The following TBC1D9 variants were observed in gnomAD, a reference collection of about 807,000 sequenced individuals.
The protein encoded by TBC1D9 is TBC1 domain family member 9.
Under a neutral mutation model 132.0 loss-of-function variants are expected in TBC1D9, and 63 were observed. That is an observed-to-expected ratio of 0.48 (90% confidence interval 0.39 to 0.59). The LOEUF (loss-of-function observed/expected upper bound fraction) is 0.59, where lower values mean the gene tolerates loss of function less well. Among genes scored for constraint, TBC1D9 ranks in the 20% least tolerant of loss-of-function variants. The pLI, the probability that TBC1D9 is intolerant of heterozygous loss-of-function variation, is 0.00. For missense variants in TBC1D9, 1,261 were observed against 1,592.7 expected, an observed-to-expected ratio of 0.79 and a Z score of 3.54; for synonymous variants, 610 against 609.9, an observed-to-expected ratio of 1.00 and a Z score of 0.00.
At chr4:140,672,155 A>AT (rs1737547725) in intron 6 of TBC1D9, among the ~76,000 whole-genome samples, 1 of 151,656 alleles carries the variant, frequency 6.6e-6, no homozygotes, top group African/African-American at 2.4e-5. Context: ...TTTTCAGAAT[A>AT]TATGTGTTAG....
chr4:140,754,614 C>CAAAAAAAAAAAAAAA (rs34471976), intron 1 of TBC1D9, among the ~76,000 whole-genome samples: 1 of 23,264 alleles, frequency 4.3e-5, no homozygotes, highest in African/African-American at 1.9e-4. Context: ...GACTCTGTCT[C>CAAAAAAAAAAAAAAA]AAAAAAAAAA....
chr4:140,704,002 G>T (rs921572306), intron 1 of TBC1D9, among the ~76,000 whole-genome samples: 8 of 152,122 alleles, frequency 5.3e-5, no homozygotes, highest in Admixed American at 4.6e-4. Context: ...CTCACATCTT[G>T]AATCAAAATA....
At chr4:140,704,230 C>T (rs1738115265) in intron 1 of TBC1D9, among the ~76,000 whole-genome samples, 2 of 151,556 alleles carry the variant, frequency 1.3e-5, no homozygotes, top group South Asian at 4.2e-4. Flanking sequence ...AACACCCTTC[C>T]CCATTAAAAA....
At chr4:140,645,980 T>C (rs1236833371) in intron 13 of TBC1D9, among the ~76,000 whole-genome samples, 1 of 152,232 alleles carries the variant, frequency 6.6e-6, no homozygotes, top group Non-Finnish European at 1.5e-5. Context: ...CCTTCTTACT[T>C]GAATTTAGCA....
intron 13 of TBC1D9, chr4:140,643,226 C>A (rs1037849187): frequency 6.4e-5 from 86 of 1,343,664 alleles, no homozygotes; most frequent in East Asian, 1.5e-4. Flanking sequence ...CACCTCCCAC[C>A]TTCTTGCTCC....
At chr4:140,693,050 A>G (rs1363409119) in intron 2 of TBC1D9, among the ~76,000 whole-genome samples, 6 of 151,154 alleles carry the variant, frequency 4.0e-5, no homozygotes, top group Non-Finnish European at 1.5e-5. Context: ...ACAAAAAACA[A>G]CAAAAAAACT....
intron 16 of TBC1D9, among the ~76,000 whole-genome samples, chr4:140,632,929 T>C (rs1425544173): frequency 6.6e-6 from 1 of 152,262 alleles, no homozygotes; most frequent in Non-Finnish European, 1.5e-5. Context: ...ATCACAACAG[T>C]ATCTGCACTC....
chr4:140,661,204 G>T (rs1053265628), intron 10 of TBC1D9, among the ~76,000 whole-genome samples: 1 of 152,146 alleles, frequency 6.6e-6, no homozygotes, highest in Non-Finnish European at 1.5e-5. Flanking sequence ...GTGAGCCACC[G>T]CACCTGGCCG....
intron 8 of TBC1D9, 35 bp from the exon 9 acceptor site, chr4:140,669,102 GT>G (rs747868575): frequency 1.2e-6 from 2 of 1,608,288 alleles, no homozygotes; most frequent in East Asian, 4.5e-5. Flanking sequence ...GACATCCAAA[GT>G]ACCCTGAGGA....
chr4:140,682,815 C>A (rs1306691875), intron 3 of TBC1D9, among the ~76,000 whole-genome samples: 3 of 152,140 alleles, frequency 2.0e-5, no homozygotes, highest in Non-Finnish European at 4.4e-5. Context: ...TGACATATAA[C>A]AAACCATAAG....
intron 1 of TBC1D9, among the ~76,000 whole-genome samples, chr4:140,740,402 G>A (rs1335124322): frequency 1.3e-5 from 2 of 152,160 alleles, no homozygotes; most frequent in Non-Finnish European, 2.9e-5. Flanking sequence ...TTCCACACCA[G>A]TAATACCCAA....
intron 1 of TBC1D9, among the ~76,000 whole-genome samples, chr4:140,751,689 G>C (rs747571036): frequency 2.0e-5 from 3 of 152,170 alleles, no homozygotes; most frequent in Admixed American, 6.5e-5. Flanking sequence ...TGCCACACAT[G>C]TAACAGTAGG....
chr4:140,732,930 A>C (rs891521091), intron 1 of TBC1D9, among the ~76,000 whole-genome samples: 1 of 152,350 alleles, frequency 6.6e-6, no homozygotes, highest in South Asian at 2.1e-4. Flanking sequence ...AATCGCCACT[A>C]TAAAAATAGC....
At chr4:140,666,935 T>G (rs1737456328) in intron 9 of TBC1D9, among the ~76,000 whole-genome samples, 1 of 152,188 alleles carries the variant, frequency 6.6e-6, no homozygotes. Context: ...AGAGCTGGCC[T>G]CACCACTCAC....
intron 1 of TBC1D9, among the ~76,000 whole-genome samples, chr4:140,716,328 A>G (rs1159227206): frequency 6.6e-6 from 1 of 152,098 alleles, no homozygotes; most frequent in Non-Finnish European, 1.5e-5. Context: ...TGTCTACAAA[A>G]AGTTTTTTAA....
intron 9 of TBC1D9, among the ~76,000 whole-genome samples, chr4:140,665,870 G>T: frequency 6.6e-6 from 1 of 151,962 alleles, no homozygotes; most frequent in East Asian, 1.9e-4. Context: ...TTTTTGTAGA[G>T]ATGGGGTCTC....
chr4:140,658,708 G>C (rs1474967308), intron 11 of TBC1D9, among the ~76,000 whole-genome samples: 2 of 151,726 alleles, frequency 1.3e-5, no homozygotes, highest in African/African-American at 4.9e-5. Context: ...GCTACTCAAA[G>C]ACTGAGGCAG....
chr4:140,741,991 G>T (rs78728668), intron 1 of TBC1D9, among the ~76,000 whole-genome samples: 4,487 of 152,224 alleles, frequency 0.029, 96 homozygotes, highest in Middle Eastern at 0.058. Flanking sequence ...ACCTTACATG[G>T]GTTGGTTCAC....
intron 13 of TBC1D9, chr4:140,643,183 C>T (rs1429493726): frequency 7.7e-6 from 11 of 1,428,118 alleles, no homozygotes; most frequent in South Asian, 1.2e-5. Flanking sequence ...AGCAGGCTCT[C>T]CAGTGAGGGC....
Sources: gnomAD v4.1 joint callset for allele counts (sites outside exome capture counted in the v4.1 genomes callset) on GRCh38, gnomAD v4.1.1 for gene constraint, MANE v1.5 for transcripts, NCBI Gene and HGNC (gene_info 2026-07-23, HGNC 2026-07-21) for gene names.